Variants in NRXN3 observed in about 807,000 individuals in gnomAD.
NRXN3 encodes the protein neurexin 3, also known as neurexin III.
In NRXN3, 32 loss-of-function variants were observed where a neutral mutation model predicts 137.6. The ratio of observed to expected loss-of-function variants is 0.23; its 90% CI spans 0.18 to 0.31. NRXN3 has a LOEUF of 0.31. NRXN3 is among the 10% of genes least tolerant of loss of function. The pLI is 1.00. For synonymous variants in NRXN3, 798 were observed against 784.5 expected (o/e 1.02, Z -0.29); for missense variants, 1,574 against 2,062.5 (o/e 0.76, Z 4.59).
intron 8 of NRXN3, among the ~76,000 whole-genome samples, chr14:78,766,459 T>A (rs538227411): frequency 6.6e-6 from 1 of 152,334 alleles, no homozygotes; most frequent in Admixed American, 6.5e-5. Context: ...GTTTTCCCTC[T>A]CCACTGCCAC....
chr14:79,530,907 A>G (rs1278338790), intron 16 of NRXN3, among the ~76,000 whole-genome samples: 1 of 152,082 alleles, frequency 6.6e-6, no homozygotes. Context: ...CAAAGTTGAC[A>G]CTCTTGAAAT....
At chr14:78,962,326 A>G (rs919063188) in intron 11 of NRXN3, among the ~76,000 whole-genome samples, 5 of 150,744 alleles carry the variant, frequency 3.3e-5, no homozygotes, top group African/African-American at 1.2e-4. Context: ...GTGATTATGC[A>G]GTATTTAGCA....
At chr14:79,834,399 A>T (rs1029988509) in intron 20 of NRXN3, among the ~76,000 whole-genome samples, 1 of 152,140 alleles carries the variant, frequency 6.6e-6, no homozygotes, top group African/African-American at 2.4e-5. Flanking sequence ...GTGTGATAAG[A>T]TCTGATTCTC....
intron 4 of NRXN3, among the ~76,000 whole-genome samples, chr14:78,471,411 G>A (rs966484436): frequency 2.0e-5 from 3 of 151,900 alleles, no homozygotes; most frequent in African/African-American, 7.3e-5. Context: ...GCATGATTAG[G>A]CCTACTGGAA....
chr14:78,803,690 G>A lies in NRXN3; in HGVS notation c.2115G>A (p.Glu705=). Residue 705 remains glutamate (E), a synonymous_variant, in exon 9 of 21, where the codon GAG becomes GAA. Coordinates refer to ENST00000335750, the MANE Select transcript of NRXN3 (RefSeq NM_001330195.2). ...TCATGCCCATGGTCATGCATACTGA[G>A]GCAGAGGATGTGTCCTTCCGCTTCA... ...KIIMPMVMHT[E]AEDVSFRFMS... The A allele has an allele frequency of 1.9e-6, 3 of 1,614,120 alleles. No individual in the cohort carries two copies. The highest frequency in any genetic ancestry group is 2.5e-6 in the Non-Finnish European group (3 of 1,180,012).
chr14:79,817,068 T>C (rs1190945304), intron 20 of NRXN3, among the ~76,000 whole-genome samples: 1 of 152,128 alleles, frequency 6.6e-6, no homozygotes, highest in Non-Finnish European at 1.5e-5. Flanking sequence ...ATAATTATTA[T>C]TATTTTTTTT....
At chr14:78,901,947 C>T (rs994667480) in intron 10 of NRXN3, among the ~76,000 whole-genome samples, 1 of 152,032 alleles carries the variant, frequency 6.6e-6, no homozygotes, top group African/African-American at 2.4e-5. Context: ...GCCAGCAATC[C>T]ATCTTACTTG....
At chr14:78,639,348 C>A (rs182713952) in intron 4 of NRXN3, among the ~76,000 whole-genome samples, 2 of 152,212 alleles carry the variant, frequency 1.3e-5, no homozygotes, top group African/African-American at 4.8e-5. Flanking sequence ...TGAGGCTCAT[C>A]ATCAGGAAGC....
chr14:79,389,233 A>G (rs1472850318), intron 15 of NRXN3, among the ~76,000 whole-genome samples: 1 of 152,210 alleles, frequency 6.6e-6, no homozygotes, highest in Non-Finnish European at 1.5e-5. Context: ...TATTTCTTAT[A>G]GTTCTAGAGG....
intron 6 of NRXN3, among the ~76,000 whole-genome samples, chr14:78,688,351 G>A (rs1445149505): frequency 1.3e-5 from 2 of 152,150 alleles, no homozygotes; most frequent in African/African-American, 4.8e-5. Context: ...AGAAACACAA[G>A]AGAGTATTGA....
At chr14:78,611,263 A>G (rs570325103) in intron 4 of NRXN3, among the ~76,000 whole-genome samples, 2 of 152,308 alleles carry the variant, frequency 1.3e-5, no homozygotes, top group South Asian at 4.1e-4. Flanking sequence ...GAAGGCTGTC[A>G]TGCTGGGGGG....
intron 8 of NRXN3, among the ~76,000 whole-genome samples, chr14:78,782,365 AAATTAATTACTAAAATC>A (rs1204482989): frequency 6.6e-6 from 1 of 152,224 alleles, no homozygotes; most frequent in East Asian, 1.9e-4. Flanking sequence ...TGTTTGGGAA[AAATTAATTACTAAAATC>A]TTACATCTCT....
intron 10 of NRXN3, among the ~76,000 whole-genome samples, chr14:78,926,530 C>T (rs2099291815): frequency 7.5e-6 from 1 of 133,980 alleles, no homozygotes; most frequent in African/African-American, 2.9e-5. Flanking sequence ...CACTTGAGCC[C>T]AAGAGTTCAA....
chr14:78,386,850 G>A (rs981717342), intron 4 of NRXN3, among the ~76,000 whole-genome samples: 1 of 151,494 alleles, frequency 6.6e-6, no homozygotes, highest in African/African-American at 2.4e-5. Context: ...GTGCCATCTT[G>A]GCTCACTGCA....
chr14:78,349,479 C>A (rs2083189832), intron 4 of NRXN3, among the ~76,000 whole-genome samples: 1 of 152,192 alleles, frequency 6.6e-6, no homozygotes, highest in African/African-American at 2.4e-5. Context: ...TCCGAGTCCC[C>A]ATTTATCTTC....
intron 2 of NRXN3, among the ~76,000 whole-genome samples, chr14:78,244,276 A>G (rs2067369993): frequency 6.6e-6 from 1 of 152,100 alleles, no homozygotes; most frequent in African/African-American, 2.4e-5. Context: ...CTAAAAATAC[A>G]AAAATTAGCT....
At chr14:78,171,539 A>G (rs1350770851) in intron 1 of NRXN3, among the ~76,000 whole-genome samples, 2 of 151,974 alleles carry the variant, frequency 1.3e-5, no homozygotes, top group African/African-American at 4.8e-5. Flanking sequence ...TGTTTTTTCC[A>G]GGCATTGTGC....
chr14:79,326,568 C>T lies in NRXN3; in HGVS notation c.3263-140653C>T, dbSNP rs563138337. ...AAGAAACAGAAACCCTATATTTTCT[C>T]AGGACATGACACTTGAAATAACAAG... is the stretch of plus-strand genomic sequence containing the variant. On this transcript the variant is annotated intron_variant, in intron 15 of 20. Coordinates refer to ENST00000335750, the MANE Select transcript of NRXN3 (RefSeq NM_001330195.2). Among the ~76,000 whole-genome samples the T allele has an allele frequency of 1.1e-4, 16 of 152,298 alleles. No individual in the cohort carries two copies. The South Asian group carries it at 2.7e-3, about 26-fold the overall frequency.
At chr14:79,693,834 A>G (rs776817932) in intron 18 of NRXN3, among the ~76,000 whole-genome samples, 1 of 151,882 alleles carries the variant, frequency 6.6e-6, no homozygotes, top group Non-Finnish European at 1.5e-5. Context: ...TCTTAAATAT[A>G]TGTATGATTA....
Sources: gnomAD v4.1 joint callset for allele counts (sites outside exome capture counted in the v4.1 genomes callset) on GRCh38, gnomAD v4.1.1 for gene constraint, MANE v1.5 for transcripts, NCBI Gene and HGNC (gene_info 2026-07-23, HGNC 2026-07-21) for gene names.